Variants in WNK1 observed in about 807,000 individuals in gnomAD.
WNK1 encodes WNK lysine deficient protein kinase 1.
Under a neutral mutation model 222.8 loss-of-function variants are expected in WNK1, and 38 were observed. That is an observed-to-expected ratio of 0.17 (90% CI 0.13 to 0.22). WNK1 has a LOEUF of 0.22. Ranked by LOEUF, WNK1 falls within the 10% of genes least tolerant of loss-of-function variation. The pLI is 1.00. For synonymous variants in WNK1, 1,090 were observed against 1,092.9 expected (o/e 1.00, Z 0.05); for missense variants, 2,348 against 2,918.4 (o/e 0.80, Z 4.50).
At chr12:828,012 T>C (rs920424917) in intron 3 of WNK1, among the ~76,000 whole-genome samples, 1 of 152,038 alleles carries the variant, frequency 6.6e-6, no homozygotes, top group Non-Finnish European at 1.5e-5. Context: ...TATTCAAGAA[T>C]ATTGGCCAAG....
chr12:841,921 T>C lies in WNK1; in HGVS notation c.1311+11761T>C, dbSNP rs183626285. On this transcript the variant is annotated intron_variant, in intron 4 of 27. Transcript: ENST00000315939. ...ACCTTCACCTCTTAATACTGTCTCA[T>C]TGGACGTTAGATTTCAACATAAAAA... Among the ~76,000 whole-genome samples the C allele has an allele frequency of 1.6e-3, 243 of 152,314 alleles. 3 individuals are homozygous for C. Among genetic ancestry groups the C allele is most frequent in the African/African-American group, 5.8e-3 (240 of 41,556 alleles).
chr12:883,099 T>A (rs779752530), intron 15 of WNK1, 40 bp downstream of exon 15: 1 of 1,376,032 alleles, frequency 7.3e-7, no homozygotes, highest in Non-Finnish European at 1.0e-6. Flanking sequence ...TCCTTAGTAC[T>A]TGATCTTAAT....
intron 25 of WNK1, among the ~76,000 whole-genome samples, chr12:898,649 C>CA (rs1353406811): frequency 6.6e-6 from 1 of 151,956 alleles, no homozygotes; most frequent in African/African-American, 2.4e-5. Context: ...GCACACAACA[C>CA]AACAGCCTCA....
intron 1 of WNK1, among the ~76,000 whole-genome samples, chr12:779,651 C>T (rs1458257076): frequency 6.6e-6 from 1 of 152,124 alleles, no homozygotes. Flanking sequence ...ATCCACCTGC[C>T]TCACCCTCCC....
chr12:868,039 C>A (rs767616683), intron 8 of WNK1: 1 of 1,614,000 alleles, frequency 6.2e-7, no homozygotes, highest in Non-Finnish European at 8.5e-7. Context: ...CCCAAACTCA[C>A]CACTTCCAAC....
At chr12:887,480 C>T (rs907866069) in intron 20 of WNK1, among the ~76,000 whole-genome samples, 176 bp downstream of exon 20, 1 of 152,164 alleles carries the variant, frequency 6.6e-6, no homozygotes, top group African/African-American at 2.4e-5. Context: ...AGCTTCATAG[C>T]TCTTTTGTTT....
At chr12:851,484 T>C (rs1950416293) in intron 4 of WNK1, 1 of 1,151,076 alleles carries the variant, frequency 8.7e-7, no homozygotes, top group Non-Finnish European at 1.1e-6. Flanking sequence ...CTGTTGGGCA[T>C]GCAGTTTTGT....
chr12:865,188 C>T (rs72649846), intron 8 of WNK1: 4 of 1,469,196 alleles, frequency 2.7e-6, no homozygotes, highest in Non-Finnish European at 2.7e-6. Context: ...TCTCCCAGTG[C>T]TCTTCCACCC....
intron 3 of WNK1, among the ~76,000 whole-genome samples, chr12:828,161 C>T (rs1440446951): frequency 6.6e-6 from 1 of 150,764 alleles, no homozygotes. Flanking sequence ...AAAAAATTAG[C>T]CGGGTGTGGT....
At chr12:859,855 A>G (rs770709397) in intron 6 of WNK1, among the ~76,000 whole-genome samples, 23 of 151,760 alleles carry the variant, frequency 1.5e-4, no homozygotes, top group Non-Finnish European at 1.5e-4. Context: ...AGCTGGGACC[A>G]TAGGGACGTG....
intron 10 of WNK1, 118 bp from the exon 11 acceptor site, chr12:879,455 T>TG: frequency 1.4e-6 from 1 of 708,516 alleles, no homozygotes; most frequent in East Asian, 3.0e-5. Context: ...TGTTTTTTTT[T>TG]TTGTTTGTTT....
chr12:779,943 A>C (rs1255737311), intron 1 of WNK1, among the ~76,000 whole-genome samples: 1 of 152,182 alleles, frequency 6.6e-6, no homozygotes, highest in African/African-American at 2.4e-5. Flanking sequence ...TACCTCTGCC[A>C]TTCCCAATGT....
intron 4 of WNK1, among the ~76,000 whole-genome samples, chr12:856,179 G>T (rs1009339259): frequency 3.3e-5 from 5 of 151,750 alleles, no homozygotes; most frequent in African/African-American, 7.3e-5. Flanking sequence ...TGGGTATGGT[G>T]GCTCACGCCT....
intron 8 of WNK1, among the ~76,000 whole-genome samples, chr12:866,606 C>G (rs1951689779): frequency 6.6e-6 from 1 of 152,082 alleles, no homozygotes; most frequent in African/African-American, 2.4e-5. Context: ...GTGATCCACC[C>G]CCTTCAGCCT....
intron 1 of WNK1, among the ~76,000 whole-genome samples, chr12:758,035 TAA>T (rs71051381): frequency 7.7e-5 from 9 of 116,284 alleles, no homozygotes; most frequent in Non-Finnish European, 9.2e-5. Flanking sequence ...ACTCTGTCTC[TAA>T]AAAAAAAAAA....
intron 8 of WNK1, among the ~76,000 whole-genome samples, chr12:869,425 T>C (rs1197353092): frequency 6.6e-6 from 1 of 152,220 alleles, no homozygotes; most frequent in East Asian, 1.9e-4. Flanking sequence ...GTGTATGTAA[T>C]GTATGGTTGA....
rs758081323 is a variant in WNK1, at chr12:880,842, T to C, written c.2954T>C (p.Leu985Pro). 6.2e-7 allele frequency: 1 copy of C among 1,614,116 alleles called. No homozygotes were observed. The change falls in exon 12 of 28, where the codon CTG (leucine) becomes CCG (proline). Residue 985 changes from leucine to proline, a missense_variant. Transcript: ENST00000315939. ...TCCCCTCCCATGCCGACAGAAGTACTGGCTACACCTGGGTACTTTCCCACA... is the reference window on the plus strand; with the variant it reads ...TCCCCTCCCATGCCGACAGAAGTACCGGCTACACCTGGGTACTTTCCCACA... ...VLSPPMPTEV[L>P]ATPGYFPTVV...
chr12:763,581 C>G (rs1432379542), intron 1 of WNK1, among the ~76,000 whole-genome samples: 1 of 117,974 alleles, frequency 8.5e-6, no homozygotes, highest in African/African-American at 2.6e-5. Context: ...AAGAGGGAAA[C>G]TCTGTCTCAA....
intron 4 of WNK1, among the ~76,000 whole-genome samples, chr12:849,090 T>C (rs1012996960): frequency 2.6e-5 from 4 of 152,204 alleles, no homozygotes; most frequent in African/African-American, 4.8e-5. Context: ...GGCTGCACTT[T>C]TGCAGCACAC....
Sources: allele counts gnomAD v4.1 joint callset (sites outside exome capture counted in the v4.1 genomes callset), GRCh38; gene constraint gnomAD v4.1.1; transcripts MANE v1.5; gene names NCBI Gene and HGNC (gene_info 2026-07-23, HGNC 2026-07-21).